The following COLEC10 variants were observed in gnomAD, a reference collection of about 807,000 sequenced individuals.
The protein encoded by COLEC10 is collectin subfamily member 10.
In COLEC10, 22 loss-of-function variants were observed where a neutral mutation model predicts 28.4. The ratio of observed to expected loss-of-function variants is 0.78; its 90% CI spans 0.55 to 1.11. The LOEUF (loss-of-function observed/expected upper bound fraction) is 1.11. Among genes scored for constraint, COLEC10 ranks in the 50% least tolerant of loss-of-function variants. The probability of loss-of-function intolerance (pLI) is 0.00; values close to 1 mark genes in which losing one functional copy is unlikely to be tolerated. For missense variants in COLEC10, 361 were observed against 344.1 expected (o/e 1.05, Z -0.39); for synonymous variants, 125 against 116.1 (o/e 1.08, Z -0.49).
At chr8:118,976,948 C>T in the COLEC10 span, among the ~76,000 whole-genome samples, 3 of 150,366 alleles carry the variant, frequency 2.0e-5, no homozygotes, top group South Asian at 6.3e-4. Flanking sequence ...AGGACATGAA[C>T]AGACACTTCT....
At chr8:119,027,114 T>A (rs1304492913) in intron 2 of COLEC10, among the ~76,000 whole-genome samples, 1 of 152,190 alleles carries the variant, frequency 6.6e-6, no homozygotes, top group East Asian at 1.9e-4. Context: ...AACAATAGTA[T>A]ATATATATCA....
At chr8:119,069,804 G>A (rs1815066643) in intron 1 of COLEC10, among the ~76,000 whole-genome samples, 1 of 151,226 alleles carries the variant, frequency 6.6e-6, no homozygotes, top group South Asian at 2.1e-4. Context: ...TTAAAGGTCT[G>A]CGTTATTACT....
intron 2 of COLEC10, among the ~76,000 whole-genome samples, chr8:119,053,750 A>G (rs946633949): frequency 3.9e-4 from 59 of 151,988 alleles, no homozygotes; most frequent in African/African-American, 1.3e-3. Context: ...CTTACAAAAT[A>G]ATCTTCATTC....
At chr8:119,001,425 C>T (rs1480826024) in intron 1 of COLEC10, among the ~76,000 whole-genome samples, 1 of 152,130 alleles carries the variant, frequency 6.6e-6, no homozygotes. Flanking sequence ...CATGATTTAG[C>T]TACTGCCTAG....
chr8:119,064,959 A>C (rs1177472269), upstream of COLEC10, among the ~76,000 whole-genome samples: 1 of 152,178 alleles, frequency 6.6e-6, no homozygotes, highest in Admixed American at 6.5e-5. Context: ...ACTAGCTCTC[A>C]GCCTGTATAT....
chr8:119,093,215 C>T (rs372467751), intron 3 of COLEC10, among the ~76,000 whole-genome samples: 6 of 152,302 alleles, frequency 3.9e-5, no homozygotes, highest in African/African-American at 1.4e-4. Flanking sequence ...TCCCTGCAGG[C>T]AGGTTGACAG....
chr8:119,049,412 T>C (rs1814638450), intron 2 of COLEC10, among the ~76,000 whole-genome samples: 3 of 103,276 alleles, frequency 2.9e-5, no homozygotes, highest in Middle Eastern at 5.1e-3. Flanking sequence ...TTTTTTTTTT[T>C]TTTTTTTTTT....
intron 2 of COLEC10, among the ~76,000 whole-genome samples, chr8:119,047,480 T>C (rs1445713668): frequency 6.6e-6 from 1 of 152,246 alleles, no homozygotes; most frequent in Non-Finnish European, 1.5e-5. Context: ...GGAGGGTTTT[T>C]ATTGCATTTG....
chr8:119,045,365 G>A (rs937527549), intron 2 of COLEC10, among the ~76,000 whole-genome samples: 1 of 152,218 alleles, frequency 6.6e-6, no homozygotes, highest in Non-Finnish European at 1.5e-5. Flanking sequence ...AATGTGGCAT[G>A]ACCAATTGGC....
intron 2 of COLEC10, among the ~76,000 whole-genome samples, chr8:119,016,901 G>A (rs1814001434): frequency 6.6e-6 from 1 of 152,112 alleles, no homozygotes; most frequent in Non-Finnish European, 1.5e-5. Context: ...ATTTTTTGTA[G>A]AGATGGAGTT....
At chr8:119,045,396 A>G (rs958209448) in intron 2 of COLEC10, among the ~76,000 whole-genome samples, 3 of 152,226 alleles carry the variant, frequency 2.0e-5, no homozygotes, top group African/African-American at 7.2e-5. Flanking sequence ...TTTCTCCCCA[A>G]CTGGTTCAGC....
At chr8:119,020,573 G>C (rs903779872) in intron 2 of COLEC10, among the ~76,000 whole-genome samples, 7 of 152,088 alleles carry the variant, frequency 4.6e-5, no homozygotes, top group African/African-American at 1.4e-4. Flanking sequence ...CGCCAGTTGT[G>C]GATGAACTTA....
intron 5 of COLEC10, 36 bp downstream of exon 5, chr8:119,103,931 A>G (rs746880951): frequency 7.7e-7 from 1 of 1,299,408 alleles, no homozygotes; most frequent in Non-Finnish European, 1.1e-6. Flanking sequence ...GTATCTATTG[A>G]TAGATCTCCA....
At chr8:119,028,262 T>C (rs1017922009) in intron 2 of COLEC10, among the ~76,000 whole-genome samples, 5 of 152,262 alleles carry the variant, frequency 3.3e-5, no homozygotes, top group East Asian at 3.9e-4. Context: ...ATATATTACA[T>C]TGAAATTGCA....
chr8:119,071,431 C>A, intron 1 of COLEC10, among the ~76,000 whole-genome samples: 1 of 152,118 alleles, frequency 6.6e-6, no homozygotes, highest in East Asian at 1.9e-4. Flanking sequence ...AATGGGCATG[C>A]TGGTCTTGGC....
chr8:119,106,170 G>A lies in COLEC10; in HGVS notation c.813G>A (p.Glu271=). Residue 271 remains glutamate, a synonymous_variant, in exon 6 of 6, where the codon GAG becomes GAA. Transcript: ENST00000332843. ...ATCTTACCATGTACTTTGTCTGTGA[G>A]TTCATCAAGAAGAAAAAGTAACTTC... ...ECHLTMYFVC[E]FIKKKK is the part of the protein sequence containing the mutation. The A allele has an allele frequency of 6.3e-7, 1 of 1,598,730 alleles. No homozygotes were observed. The highest frequency in any genetic ancestry group is 8.6e-7 in the Non-Finnish European group (1 of 1,168,000).
At chr8:118,986,721 G>A in the COLEC10 span, among the ~76,000 whole-genome samples, 2 of 152,114 alleles carry the variant, frequency 1.3e-5, no homozygotes, top group Admixed American at 6.6e-5. Context: ...AGTGAATGAA[G>A]TACTGATGCA....
At chr8:118,958,044 T>C in the COLEC10 span, among the ~76,000 whole-genome samples, 25 of 152,058 alleles carry the variant, frequency 1.6e-4, no homozygotes, top group Non-Finnish European at 3.5e-4. Context: ...ATAACAGCAA[T>C]CCAGGGCAAG....
At chr8:118,954,796 G>C in the COLEC10 span, among the ~76,000 whole-genome samples, 2 of 152,186 alleles carry the variant, frequency 1.3e-5, no homozygotes, top group African/African-American at 4.8e-5. Context: ...GAGAAATGGT[G>C]CCTGAATATT....
Sources: gnomAD v4.1 joint callset for allele counts (sites outside exome capture counted in the v4.1 genomes callset) on GRCh38, gnomAD v4.1.1 for gene constraint, MANE v1.5 for transcripts, NCBI Gene and HGNC (gene_info 2026-07-23, HGNC 2026-07-21) for gene names.